TRAP1: variants seen among roughly 807,000 people sequenced by gnomAD.
TRAP1 encodes the protein TNF receptor associated protein 1.
In TRAP1, 102 loss-of-function variants were observed where a neutral mutation model predicts 89.1. The ratio of observed to expected loss-of-function variants is 1.15; its 90% CI spans 0.98 to 1.35. The LOEUF (loss-of-function observed/expected upper bound fraction) is 1.35. TRAP1 is among the 40% of genes most tolerant of loss of function. The probability of loss-of-function intolerance (pLI) is 0.00; values close to 1 mark genes in which losing one functional copy is unlikely to be tolerated. For synonymous variants in TRAP1, 508 were observed against 388.0 expected (o/e 1.31, Z -3.64); for missense variants, 1,256 against 945.3 (o/e 1.33, Z -4.31).
intron 1 of TRAP1, among the ~76,000 whole-genome samples, chr16:3,711,477 T>C (rs908505105): frequency 1.3e-5 from 2 of 152,092 alleles, no homozygotes; most frequent in African/African-American, 4.8e-5. Flanking sequence ...TGCATGCCTG[T>C]AGCCCCAGCT....
chr16:3,684,957 C>G (rs879649987), intron 4 of TRAP1, among the ~76,000 whole-genome samples: 2 of 152,072 alleles, frequency 1.3e-5, no homozygotes, highest in African/African-American at 4.8e-5. Flanking sequence ...AAGACAAAAC[C>G]AAAAATCATT....
chr16:3,715,362 CG>C (rs1381975252), intron 1 of TRAP1, among the ~76,000 whole-genome samples: 2 of 151,902 alleles, frequency 1.3e-5, no homozygotes, highest in African/African-American at 4.8e-5. Flanking sequence ...GGCCTGAACC[CG>C]GGAGGCGGAG....
intron 1 of TRAP1, among the ~76,000 whole-genome samples, chr16:3,703,064 A>G (rs1212859289): frequency 6.6e-6 from 1 of 150,422 alleles, no homozygotes; most frequent in Non-Finnish European, 1.5e-5. Context: ...AAAAAAAAAA[A>G]AAGCATTCAG....
At chr16:3,675,795 G>A (rs191431914) in intron 7 of TRAP1, among the ~76,000 whole-genome samples, 137 of 152,322 alleles carry the variant, frequency 9.0e-4, no homozygotes, top group African/African-American at 2.5e-3. Context: ...CAAGGGCCAC[G>A]CAGAGGAAGG....
intron 3 of TRAP1, 67 bp from the exon 4 acceptor site, chr16:3,686,203 G>A (rs1398054871): frequency 7.1e-6 from 11 of 1,548,596 alleles, no homozygotes; most frequent in South Asian, 5.8e-5. Flanking sequence ...TATCTGGTCA[G>A]CTGCACTTCC....
rs185594284 is a variant in TRAP1 at position 3,692,383 on chromosome 16, A to G, written c.89-1398T>C. Among the ~76,000 whole-genome samples the G allele has an allele frequency of 6.1e-4, 92 of 151,960 alleles. 1 individual carries two copies. In the East Asian group the frequency reaches 0.016, roughly 26 times the overall value. On this transcript the variant is annotated intron_variant, in intron 1 of 17. Transcript: ENST00000246957. ...AAACCCCATCTGTACTAAAAATACA[A>G]AAGTTAGCCGGGCATGGTGGCAGGC...
chr16:3,717,435 G>A lies in TRAP1; in HGVS notation c.74C>T (p.Ala25Val). ...LRPLLRAPAL[A>V]AVPGGKPILC... ...GACGCCCTCACCTCCCGGCACGGCC[G>A]CCAGCGCCGGCGCCCGCAGCAAAGG... The change falls in exon 1 of 18, where the codon GCG becomes GTG. Residue 25 changes from alanine to valine, a missense_variant. Physicochemically the swap from Ala to Val is moderately conservative, Grantham distance 64 (BLOSUM62 0). Transcript: ENST00000246957. The A allele has an allele frequency of 2.4e-6, 3 of 1,260,074 alleles. No homozygotes were observed. The highest frequency in any genetic ancestry group is 2.9e-5 in the South Asian group (1 of 33,976). 78.1% of individuals were successfully genotyped at this position (1,260,074 alleles called of 1,614,324 possible). A position where few individuals can be genotyped will look rare whatever the true frequency, so the allele number is the denominator to read the frequency against.
chr16:3,707,682 C>T (rs188931127), intron 1 of TRAP1, among the ~76,000 whole-genome samples: 106 of 150,262 alleles, frequency 7.1e-4, no homozygotes, highest in African/African-American at 2.2e-3. Flanking sequence ...GGTGAAACCC[C>T]GTCTCTACCA....
Position 3,690,957 on chromosome 16 carries a change from G to A in TRAP1, c.117C>T (p.Thr39=), listed in dbSNP as rs758949688. ...TTCGCCTGGGGCCCAACTGGGCTGT[G>A]GTCCTCCGAGGACACAGAATTGGTT... is the stretch of plus-strand genomic sequence containing the variant. ...GGKPILCPRR[T]TAQLGPRRNP... is the part of the protein sequence containing the mutation. The change falls in exon 2 of 18, where the codon ACC becomes ACT. Residue 39 remains threonine (T), a synonymous_variant. Transcript: ENST00000246957. The A allele has an allele frequency of 6.4e-7, 1 of 1,554,944 alleles. No homozygotes were observed. The highest frequency in any genetic ancestry group is 8.7e-7 in the Non-Finnish European group (1 of 1,154,518).
chr16:3,709,373 T>G (rs141056267), intron 1 of TRAP1, among the ~76,000 whole-genome samples: 234 of 152,202 alleles, frequency 1.5e-3, no homozygotes, highest in Admixed American at 2.4e-3. Flanking sequence ...TAAAACGAGA[T>G]AGCATTTTCA....
chr16:3,717,511 C>G lies in TRAP1; in HGVS notation c.-3G>C. On this transcript the variant is annotated 5_prime_UTR_variant, in exon 1 of 18. Transcript: ENST00000246957. ...AGCGCCCGCAGCTCGCGCGCCATGT[C>G]GTACTCCCAGAGCGCCGCGCGCAGC... The G allele has an allele frequency of 7.4e-7, 1 of 1,358,070 alleles. No homozygotes were observed. 84.1% of individuals were successfully genotyped at this position (1,358,070 alleles called of 1,614,324 possible). A position where few individuals can be genotyped will look rare whatever the true frequency, so the allele number is the denominator to read the frequency against.
Position 3,690,939 on chromosome 16 carries a change from G to T in TRAP1, c.135C>A (p.Pro45=). The change falls in exon 2 of 18, where the codon CCC becomes CCA. Residue 45 remains proline, a synonymous_variant. Transcript: ENST00000246957. ...CPRRTTAQLG[P]RRNPAWSLQA... is the part of the protein sequence containing the mutation. ...GCAAGCTCCAGGCTGGGTTTCGCCT[G>T]GGGCCCAACTGGGCTGTGGTCCTCC... 6.3e-7 allele frequency: 1 copy of T among 1,585,744 alleles called. No individual in the cohort carries two copies. Among genetic ancestry groups the T allele is most frequent in the South Asian group, 1.1e-5 (1 of 87,336 alleles).
chr16:3,666,505 T>G (rs1165777981), intron 11 of TRAP1, among the ~76,000 whole-genome samples: 1 of 151,960 alleles, frequency 6.6e-6, no homozygotes, highest in Non-Finnish European at 1.5e-5. Flanking sequence ...ATAACAATTA[T>G]GAACAACCTC....
At position 3,675,509 on chromosome 16, in the gene TRAP1, T is replaced by C; in HGVS notation, c.815-112A>G. On this transcript the variant is annotated intron_variant, in intron 7 of 17. Transcript: ENST00000246957. Reference sequence around the variant, plus strand: ...CTGCTGGGAAGGGTCCTCCATGCTGTGTACACTTCACAGGTACAGAAACAG... The same window carrying C: ...CTGCTGGGAAGGGTCCTCCATGCTGCGTACACTTCACAGGTACAGAAACAG... 7.1e-6 allele frequency: 7 copies of C among 982,214 alleles called. No homozygotes were observed. In the South Asian group the frequency reaches 8.6e-5, roughly 12 times the overall value. 60.8% of individuals were successfully genotyped at this position (982,214 alleles called of 1,614,324 possible). A position where few individuals can be genotyped will look rare whatever the true frequency, so the allele number is the denominator to read the frequency against.
chr16:3,712,465 A>AC (rs1292754784), intron 1 of TRAP1, among the ~76,000 whole-genome samples: 1 of 151,928 alleles, frequency 6.6e-6, no homozygotes, highest in Non-Finnish European at 1.5e-5. Flanking sequence ...TCAACCTGAC[A>AC]CCCCCATCCC....
intron 11 of TRAP1, among the ~76,000 whole-genome samples, chr16:3,668,425 C>T (rs186087631): frequency 1.1e-3 from 175 of 152,272 alleles, no homozygotes; most frequent in African/African-American, 4.1e-3. Flanking sequence ...GTGACATTTA[C>T]ATAGCTTCAA....
At chr16:3,689,031 G>A (rs776843778) in intron 3 of TRAP1, 24 bp downstream of exon 3, 32 of 1,580,504 alleles carry the variant, frequency 2.0e-5, no homozygotes, top group East Asian at 1.4e-4. Flanking sequence ...TGCTAGCATC[G>A]GGCATGGTTA....
chr16:3,662,489 G>C, intron 15 of TRAP1: 1 of 519,884 alleles, frequency 1.9e-6, no homozygotes, highest in Non-Finnish European at 3.5e-6. Context: ...AGACAGGTTG[G>C]TGGGGGGAGT....
At chr16:3,683,388 C>G (rs1055716838) in intron 4 of TRAP1, among the ~76,000 whole-genome samples, 2 of 139,282 alleles carry the variant, frequency 1.4e-5, no homozygotes, top group Non-Finnish European at 3.2e-5. Flanking sequence ...ACTAACATTT[C>G]TTTTTTTTTT....
Sources: gnomAD v4.1 joint callset for allele counts (sites outside exome capture counted in the v4.1 genomes callset) on GRCh38, gnomAD v4.1.1 for gene constraint, MANE v1.5 for transcripts, NCBI Gene and HGNC (gene_info 2026-07-23, HGNC 2026-07-21) for gene names.